The following USP10 variants were observed in gnomAD, a reference collection of about 807,000 sequenced individuals.
USP10 encodes ubiquitin specific peptidase 10, also known as ubiquitin carboxyl-terminal hydrolase 10.
In USP10, 22 loss-of-function variants were observed where a neutral mutation model predicts 84.5. That is an observed-to-expected ratio of 0.26 (90% CI 0.19 to 0.37). USP10 has a LOEUF of 0.37. Among genes scored for constraint, USP10 ranks in the 10% least tolerant of loss-of-function variants. The pLI is 1.00. For synonymous variants in USP10, 454 were observed against 387.6 expected, an observed-to-expected ratio of 1.17 and a Z score of -2.01; for missense variants, 1,019 against 998.9, an observed-to-expected ratio of 1.02 and a Z score of -0.27.
At chr16:84,711,517 T>C (rs770054314) in intron 1 of USP10, among the ~76,000 whole-genome samples, 1 of 152,228 alleles carries the variant, frequency 6.6e-6, no homozygotes, top group Non-Finnish European at 1.5e-5. Context: ...TCTTTTGCTG[T>C]TGTTGCTCAT....
intron 1 of USP10, among the ~76,000 whole-genome samples, chr16:84,712,642 A>G (rs1369741501): frequency 6.6e-6 from 1 of 152,226 alleles, no homozygotes; most frequent in Admixed American, 6.5e-5. Flanking sequence ...CTATAGAAAT[A>G]GTAATGAGAG....
At chr16:84,746,294 G>A (rs1317097473) in intron 4 of USP10, among the ~76,000 whole-genome samples, 1 of 152,222 alleles carries the variant, frequency 6.6e-6, no homozygotes, top group East Asian at 1.9e-4. Context: ...AAAAGTTACA[G>A]TAGGAAGTCA....
intron 1 of USP10, among the ~76,000 whole-genome samples, chr16:84,701,190 C>G (rs774701008): frequency 6.6e-6 from 1 of 152,176 alleles, no homozygotes; most frequent in Non-Finnish European, 1.5e-5. Flanking sequence ...TCTTTTGAAA[C>G]ATGATTTTCG....
At chr16:84,732,891 T>G (rs1196967716) in intron 1 of USP10, among the ~76,000 whole-genome samples, 2 of 152,212 alleles carry the variant, frequency 1.3e-5, no homozygotes, top group African/African-American at 4.8e-5. Flanking sequence ...AAGGGCTGTG[T>G]CTGTCTGATA....
chr16:84,707,789 T>C (rs1905730612), intron 1 of USP10, among the ~76,000 whole-genome samples: 1 of 152,100 alleles, frequency 6.6e-6, no homozygotes, highest in Non-Finnish European at 1.5e-5. Flanking sequence ...TAAGAAATAT[T>C]TTGGGCCAGG....
At position 84,779,742 on chromosome 16, in the gene USP10, C is replaced by T. The variant is rs1164619571; in HGVS notation, c.*660C>T. 2.0e-5 allele frequency: 3 copies of T among 152,698 alleles called. No individual in the cohort carries two copies. Among genetic ancestry groups the T allele is most frequent in the African/African-American group, 7.2e-5 (3 of 41,454 alleles). 9.5% of individuals were successfully genotyped at this position (152,698 alleles called of 1,614,324 possible). A position where few individuals can be genotyped will look rare whatever the true frequency, so the allele number is the denominator to read the frequency against. ...CCATTAAAAGATTTCAAATTGCATT[C>T]ATGCTTCTGTGTACACATAATGAAA... On this transcript the variant is annotated 3_prime_UTR_variant, in exon 14 of 14. Transcript: ENST00000219473.
At chr16:84,769,351 G>C (rs761141060) in intron 11 of USP10, among the ~76,000 whole-genome samples, 11 of 152,302 alleles carry the variant, frequency 7.2e-5, no homozygotes, top group African/African-American at 1.9e-4. Context: ...GGTTCACCCA[G>C]GCTCTGGGGG....
chr16:84,752,629 A>T (rs979330433), intron 4 of USP10, among the ~76,000 whole-genome samples: 2 of 152,212 alleles, frequency 1.3e-5, no homozygotes, highest in African/African-American at 4.8e-5. Context: ...GCTTGTCCGT[A>T]AGACCTGACT....
intron 2 of USP10, among the ~76,000 whole-genome samples, chr16:84,736,329 T>A (rs1597334138): frequency 6.6e-6 from 1 of 152,236 alleles, no homozygotes; most frequent in Non-Finnish European, 1.5e-5. Context: ...GATGTTAAGA[T>A]GAAAGAGCAT....
intron 11 of USP10, among the ~76,000 whole-genome samples, chr16:84,771,912 A>G (rs1463190306): frequency 6.6e-6 from 1 of 152,192 alleles, no homozygotes; most frequent in Non-Finnish European, 1.5e-5. Context: ...AGGTGGTACT[A>G]AGTTAGCTTT....
chr16:84,734,784 A>G (rs1163370734), intron 2 of USP10, among the ~76,000 whole-genome samples: 5 of 152,152 alleles, frequency 3.3e-5, no homozygotes, highest in Non-Finnish European at 7.3e-5. Flanking sequence ...TTCACGCTTC[A>G]GTGTGTAATA....
rs144433688 is a variant in USP10, at chr16:84,763,474, A to G, written c.1654+386A>G. On this transcript the variant is annotated intron_variant, in intron 9 of 13. Transcript: ENST00000219473. The stretch of plus-strand genomic sequence containing the variant: ...ATACATACGCATACATTTTCCCTGA[A>G]TGATTCAAAGTTAAGTTGCAGCTAA... Among the ~76,000 whole-genome samples the G allele has an allele frequency of 3.3e-3, 503 of 152,338 alleles. 1 individual carries two copies. Among genetic ancestry groups the G allele is most frequent in the African/African-American group, 0.012 (489 of 41,586 alleles).
intron 1 of USP10, among the ~76,000 whole-genome samples, chr16:84,703,212 A>G (rs1339765546): frequency 6.6e-6 from 1 of 152,104 alleles, no homozygotes; most frequent in Non-Finnish European, 1.5e-5. Context: ...TGTAGGTCCA[A>G]GTGAATATCC....
At chr16:84,717,387 A>T (rs868541216) in intron 1 of USP10, among the ~76,000 whole-genome samples, 1 of 152,252 alleles carries the variant, frequency 6.6e-6, no homozygotes, top group Non-Finnish European at 1.5e-5. Context: ...AACATTGTCT[A>T]GAGCATAATG....
intron 1 of USP10, among the ~76,000 whole-genome samples, 190 bp downstream of exon 1, chr16:84,700,301 GC>G (rs1418748596): frequency 6.6e-6 from 1 of 151,914 alleles, no homozygotes; most frequent in African/African-American, 2.4e-5. Context: ...CGTCCCCTGA[GC>G]CACCCGGACC....
chr16:84,721,864 A>G (rs1207215095), intron 1 of USP10, among the ~76,000 whole-genome samples: 2 of 152,176 alleles, frequency 1.3e-5, no homozygotes, highest in Admixed American at 6.5e-5. Context: ...CACCTGGCTA[A>G]TTTTTTGTGT....
In USP10 at chr16:84,759,378, G is replaced by T. The variant is rs1597379673; in HGVS notation, c.1300G>T (p.Val434Phe). ...CYINATLQAL[V>F]ACPPMYHLMK... The stretch of plus-strand genomic sequence containing the variant: ...CACTACATAGACACTGCAGGCATTG[G>T]TTGCTTGCCCGCCGATGTACCACCT... The change falls in exon 6 of 14, where the codon GTT becomes TTT. Residue 434 changes from valine to phenylalanine, a missense_variant. Physicochemically the swap from Val to Phe is conservative, Grantham distance 50 (BLOSUM62 -1). Transcript: ENST00000219473. 6.2e-7 allele frequency: 1 copy of T among 1,613,956 alleles called. No individual in the cohort carries two copies. Among genetic ancestry groups the T allele is most frequent in the East Asian group, 2.2e-5 (1 of 44,884 alleles).
intron 1 of USP10, among the ~76,000 whole-genome samples, chr16:84,708,323 A>G (rs1905818974): frequency 6.6e-6 from 1 of 151,956 alleles, no homozygotes; most frequent in African/African-American, 2.4e-5. Flanking sequence ...GGTGGCGGGC[A>G]CCTTTAATCC....
At chr16:84,721,359 T>G (rs770618005) in intron 1 of USP10, among the ~76,000 whole-genome samples, 4 of 152,236 alleles carry the variant, frequency 2.6e-5, no homozygotes, top group Non-Finnish European at 5.9e-5. Context: ...GGAATTATTC[T>G]TCTGTAAATG....
Sources: gnomAD v4.1 joint callset for allele counts (sites outside exome capture counted in the v4.1 genomes callset) on GRCh38, gnomAD v4.1.1 for gene constraint, MANE v1.5 for transcripts, NCBI Gene and HGNC (gene_info 2026-07-23, HGNC 2026-07-21) for gene names.